The following ABCB8 variants were observed in gnomAD, a reference collection of about 807,000 sequenced individuals.
ABCB8 encodes ATP binding cassette subfamily B member 8.
Under a neutral mutation model 73.0 loss-of-function variants are expected in ABCB8, and 52 were observed. That is an observed-to-expected ratio of 0.71 (90% confidence interval 0.57 to 0.90). The LOEUF is 0.90. Among genes scored for constraint, ABCB8 ranks in the 40% least tolerant of loss-of-function variants. ABCB8 has a pLI of 0.00. For synonymous variants in ABCB8, 428 were observed against 423.5 expected (o/e 1.01, Z -0.13); for missense variants, 909 against 974.6 (o/e 0.93, Z 0.90).
chr7:151,043,746 G>A (rs1178835142), intron 14 of ABCB8, among the ~76,000 whole-genome samples: 1 of 128,792 alleles, frequency 7.8e-6, no homozygotes. Flanking sequence ...ACAGTGCGGG[G>A]TGGGGGTCAG....
chr7:151,037,249 G>T, intron 9 of ABCB8: 3 of 702,972 alleles, frequency 4.3e-6, no homozygotes, highest in Non-Finnish European at 7.8e-6. Flanking sequence ...AGCTTCCTCC[G>T]TGTTGCACCC....
chr7:151,040,555 T>G lies in ABCB8; in HGVS notation c.1309T>G (p.Cys437Gly). The stretch of plus-strand genomic sequence containing the variant: ...CTTTGAGTACATGGCCCTGAACCCC[T>G]GCATCCCACTGTCTGGGGGCTGCTG... ...RVFEYMALNP[C>G]IPLSGGCCVP... The change falls in exon 11 of 16, where the codon TGC becomes GGC. Residue 437 changes from cysteine to glycine, a missense_variant. Cys to Gly is a radical substitution (Grantham distance 159, BLOSUM62 -3). Transcript: ENST00000358849. 1 of 1,613,476 alleles carries G rather than the reference T, an allele frequency of 6.2e-7. No individual in the cohort carries two copies. Among genetic ancestry groups the G allele is most frequent in the Non-Finnish European group, 8.5e-7 (1 of 1,179,942 alleles).
rs1796588774 is a variant in ABCB8, at chr7:151,045,407, C to T, written c.*58C>T. ...CATCAGTGTTAGGGCTGGGGCTCAG[C>T]CTGGGGGAGCCTACTGGGGACTGAG... On this transcript the variant is annotated 3_prime_UTR_variant, in exon 16 of 16. Coordinates refer to ENST00000358849, the MANE Select transcript of ABCB8 (RefSeq NM_007188.5). The T allele has an allele frequency of 5.6e-6, 8 of 1,416,272 alleles. No homozygotes were observed. Among genetic ancestry groups the T allele is most frequent in the Non-Finnish European group, 7.4e-6 (8 of 1,080,454 alleles). 87.7% of individuals were successfully genotyped at this position (1,416,272 alleles called of 1,614,324 possible).
chr7:151,036,895 C>T, intron 9 of ABCB8: 7 of 751,822 alleles, frequency 9.3e-6, no homozygotes, highest in Non-Finnish European at 1.7e-5. Flanking sequence ...TCCAAAGGAC[C>T]CAGAAGTTTC....
At position 151,045,579 on chromosome 7, in the gene ABCB8, G is replaced by A. The variant is rs1307771962; in HGVS notation, c.*230G>A. On this transcript the variant is annotated 3_prime_UTR_variant, in exon 16 of 16. Transcript: ENST00000358849. ...CTCCCTCCCACCAGAGTCTGCCAGA[G>A]TCATTGGGCTGCAATGGGCAGAGAC... The A allele has an allele frequency of 2.1e-6, 1 of 475,284 alleles. No homozygotes were observed. Among genetic ancestry groups the A allele is most frequent in the Admixed American group, 4.3e-5 (1 of 23,090 alleles). The allele number at this position is 475,284 out of a possible 1,614,324, so 29.4% of individuals were successfully genotyped here.
chr7:151,045,498 G>T lies in ABCB8; in HGVS notation c.*149G>T. ...TCCTGCTCACAATAAAGCCGGGGCC[G>T]AGCAGCTGGCAGGGGAGGCCAATCC... On this transcript the variant is annotated 3_prime_UTR_variant, in exon 16 of 16. Transcript: ENST00000358849. The T allele has an allele frequency of 9.4e-7, 1 of 1,069,076 alleles. No homozygotes were observed. Among genetic ancestry groups the T allele is most frequent in the South Asian group, 2.7e-5 (1 of 36,528 alleles). 66.2% of individuals were successfully genotyped at this position (1,069,076 alleles called of 1,614,324 possible). A position where few individuals can be genotyped will look rare whatever the true frequency, so the allele number is the denominator to read the frequency against.
Position 151,047,382 on chromosome 7 carries a change from A to G in ABCB8, c.*2033A>G, listed in dbSNP as rs925744703. ...CTGTTTTGAGAGTGTGAGTGGGATC[A>G]TCTACAGTAAATACTTGCAAAGCAT... On this transcript the variant is annotated 3_prime_UTR_variant, in exon 16 of 16. Coordinates refer to ENST00000358849, the MANE Select transcript of ABCB8 (RefSeq NM_007188.5). The G allele has an allele frequency of 6.6e-6, 1 of 152,256 alleles. No homozygotes were observed. Among genetic ancestry groups the G allele is most frequent in the Non-Finnish European group, 1.5e-5 (1 of 68,060 alleles). 9.4% of individuals were successfully genotyped at this position (152,256 alleles called of 1,614,324 possible). A position where few individuals can be genotyped will look rare whatever the true frequency, so the allele number is the denominator to read the frequency against.
At chr7:151,038,049 G>C (rs1019761344) in intron 9 of ABCB8, 2 of 153,414 alleles carry the variant, frequency 1.3e-5, no homozygotes, top group Non-Finnish European at 1.4e-5. Context: ...TGGGGTCTTG[G>C]GGGGCTGGGA....
At position 151,042,119 on chromosome 7, in the gene ABCB8, G is replaced by C. The variant is rs754912350; in HGVS notation, c.1765+11G>C. The C allele has an allele frequency of 2.5e-6, 4 of 1,611,988 alleles. No individual in the cohort carries two copies. Among genetic ancestry groups the C allele is most frequent in the Non-Finnish European group, 2.5e-6 (3 of 1,179,394 alleles). On this transcript the variant is annotated intron_variant, in intron 14 of 15. Coordinates refer to ENST00000358849, the MANE Select transcript of ABCB8 (RefSeq NM_007188.5). Reference sequence around the variant, plus strand: ...ACAACACGGTCGTCGGTGGGTGCTCGGGTCTGCCGGGAACCAGGTGGTGAG... The same window carrying C: ...ACAACACGGTCGTCGGTGGGTGCTCCGGTCTGCCGGGAACCAGGTGGTGAG...
chr7:151,040,701 G>T lies in ABCB8; in HGVS notation c.1388+67G>T, dbSNP rs998203348. 2.5e-6 allele frequency: 4 copies of T among 1,599,870 alleles called. No homozygotes were observed. The Admixed American group carries it at 5.0e-5, about 20-fold the overall frequency. On this transcript the variant is annotated intron_variant, in intron 11 of 15. Coordinates refer to ENST00000358849, the MANE Select transcript of ABCB8 (RefSeq NM_007188.5). ...GGGGATGAGGCGAGTGGATTCGGGG[G>T]TGGAGGTCTGGACTAATGTCCCCCA...
At chr7:151,033,100 T>C (rs1353013661) in intron 1 of ABCB8, 17 of 457,206 alleles carry the variant, frequency 3.7e-5, no homozygotes, top group Non-Finnish European at 7.5e-5. Context: ...GAGGTGAGGA[T>C]CAAGGGAAGT....
intron 14 of ABCB8, among the ~76,000 whole-genome samples, chr7:151,043,510 G>A (rs1247892377): frequency 3.5e-5 from 5 of 143,956 alleles, no homozygotes; most frequent in Admixed American, 2.7e-4. Flanking sequence ...GCACAGTGTG[G>A]GGTGGAGGGT....
At chr7:151,040,121 C>T in intron 9 of ABCB8, 147 bp from the exon 10 acceptor site, 1 of 879,788 alleles carries the variant, frequency 1.1e-6, no homozygotes, top group Non-Finnish European at 1.8e-6. Context: ...CGTCCCAGGG[C>T]TCTACGCCCC....
In ABCB8 at chr7:151,035,908, C is replaced by A; in HGVS notation, c.954C>A (p.Asp318Glu). Residue 318 changes from aspartate to glutamate, a missense_variant, in exon 7 of 16, where the codon GAC (aspartate) becomes GAA (glutamate). By Grantham distance (45) the Asp-to-Glu change is conservative (BLOSUM62 2). Transcript: ENST00000358849. Reference protein sequence around the residue: ...EQIARAMGVADEALGNVRTVR... With the variant: ...EQIARAMGVAEEALGNVRTVR... Reference sequence around the variant, plus strand: ...TCGCCAGGGCAATGGGCGTAGCAGACGAGGCCCTGGGCAATGTGCGGACTG... The same window carrying A: ...TCGCCAGGGCAATGGGCGTAGCAGAAGAGGCCCTGGGCAATGTGCGGACTG... 6.2e-7 allele frequency: 1 copy of A among 1,613,698 alleles called. No individual in the cohort carries two copies. Among genetic ancestry groups the A allele is most frequent in the South Asian group, 1.1e-5 (1 of 91,084 alleles).
chr7:151,043,092 C>T (rs1216650032), intron 14 of ABCB8, among the ~76,000 whole-genome samples: 1 of 152,248 alleles, frequency 6.6e-6, no homozygotes, highest in East Asian at 1.9e-4. Flanking sequence ...TCCCACCTCC[C>T]TGGAGTCACT....
intron 9 of ABCB8, chr7:151,039,835 C>T (rs1275924416): frequency 5.8e-6 from 1 of 172,590 alleles, no homozygotes; most frequent in African/African-American, 2.4e-5. Context: ...GATCTCTGTT[C>T]ATGGTGGCGG....
chr7:151,041,835 G>A, intron 13 of ABCB8, 126 bp from the exon 14 acceptor site: 2 of 1,229,796 alleles, frequency 1.6e-6, no homozygotes, highest in South Asian at 1.4e-5. Flanking sequence ...TTGAACGTCT[G>A]ATTCTTCAAG....
At chr7:151,044,674 G>T (rs1333667814) in intron 15 of ABCB8, among the ~76,000 whole-genome samples, 1 of 152,222 alleles carries the variant, frequency 6.6e-6, no homozygotes, top group Non-Finnish European at 1.5e-5. Flanking sequence ...AGCCCCAGAG[G>T]TTGAGGCTGC....
intron 1 of ABCB8, among the ~76,000 whole-genome samples, chr7:151,029,377 CGAGA>C (rs951486579): frequency 3.3e-5 from 5 of 150,584 alleles, no homozygotes; most frequent in South Asian, 2.1e-4. Flanking sequence ...ACAGGTTGGT[CGAGA>C]GAGAGAGACA....
Sources: gnomAD v4.1 joint callset for allele counts (sites outside exome capture counted in the v4.1 genomes callset) on GRCh38, gnomAD v4.1.1 for gene constraint, MANE v1.5 for transcripts, NCBI Gene and HGNC (gene_info 2026-07-23, HGNC 2026-07-21) for gene names.